Variants in BCORL1 observed in about 807,000 individuals in gnomAD.
BCORL1 encodes BCL-6 corepressor-like protein 1.
BCORL1 carries 7 observed loss-of-function variants against 87.6 expected under a neutral mutation model. That is an observed-to-expected ratio of 0.08 (90% CI 0.05 to 0.15). The LOEUF (loss-of-function observed/expected upper bound fraction) is 0.15, where lower values mean the gene tolerates loss of function less well. Ranked by LOEUF, BCORL1 falls within the 10% of genes least tolerant of loss-of-function variation. The pLI, the probability that BCORL1 is intolerant of heterozygous loss-of-function variation, is 1.00. For missense variants in BCORL1, 1,215 were observed against 1,499.7 expected, an observed-to-expected ratio of 0.81 and a Z score of 3.13; for synonymous variants, 591 against 634.4, an observed-to-expected ratio of 0.93 and a Z score of 1.03.
At chrX:130,053,727 A>G (rs1460566003) in intron 13 of BCORL1, among the ~76,000 whole-genome samples, 1 of 111,930 alleles carries the variant, frequency 8.9e-6, no homozygotes, top group East Asian at 2.8e-4. Flanking sequence ...CTGTTCTTCA[A>G]GAAGTTGGGG....
At position 130,015,247 on chromosome X, in the gene BCORL1, C is replaced by G; in HGVS notation, c.2475C>G (p.Ser825Arg). 8.2e-7 allele frequency: 1 copy of G among 1,212,176 alleles called. No individual in the cohort carries two copies. Among genetic ancestry groups the G allele is most frequent in the Non-Finnish European group, 1.1e-6 (1 of 895,663 alleles). The change falls in exon 4 of 14, where the codon AGC becomes AGG. Residue 825 changes from serine to arginine, a missense_variant. Physicochemically the swap from Ser to Arg is moderately radical, Grantham distance 110. Around this residue, in one of 5 missense-constraint regions of BCORL1, gnomAD observed 861 missense variants for 1,010.0 expected, o/e 0.85. Coordinates refer to ENST00000540052, the MANE Select transcript of BCORL1 (RefSeq NM_001379451.1). ...PRCSVNGKPT[S>R]TQVLPVGWSP... ...GTTCAGTCAATGGGAAACCTACCAG[C>G]ACCCAGGTCCTGCCTGTTGGCTGGT... is the stretch of plus-strand genomic sequence containing the variant.
At position 130,056,157 on chromosome X, in the gene BCORL1, C is replaced by T; in HGVS notation, c.*21C>T. 8 of 1,135,710 alleles carry T rather than the reference C, an allele frequency of 7.0e-6. No homozygotes were observed. Among genetic ancestry groups the T allele is most frequent in the Non-Finnish European group, 9.3e-6 (8 of 856,622 alleles). The allele number at this position is 1,135,710 out of a possible 1,213,427, so 93.6% of individuals were successfully genotyped here. On this transcript the variant is annotated 3_prime_UTR_variant, in exon 14 of 14. Coordinates refer to ENST00000540052, the MANE Select transcript of BCORL1 (RefSeq NM_001379451.1). Reference sequence around the variant, plus strand: ...GTTGACCGGGAAAACAGCCCCTCCTCTTCTTTCTCCTTCCGAGTTCGCCCT... The same window carrying T: ...GTTGACCGGGAAAACAGCCCCTCCTTTTCTTTCTCCTTCCGAGTTCGCCCT...
chrX:129,990,005 C>T (rs1377685227), intron 1 of BCORL1, among the ~76,000 whole-genome samples: 4 of 109,186 alleles, frequency 3.7e-5, no homozygotes, highest in South Asian at 3.9e-4. Flanking sequence ...AGGCTGGTCT[C>T]GAACTCCTGA....
intron 1 of BCORL1, among the ~76,000 whole-genome samples, chrX:129,990,450 C>G (rs1041370442): frequency 3.6e-5 from 4 of 110,562 alleles, no homozygotes; most frequent in Middle Eastern, 4.7e-3. Context: ...CCAGGATGGT[C>G]TCAATCTCCT....
At chrX:130,050,658 T>C in intron 11 of BCORL1, 59 bp from the exon 12 acceptor site, 1 of 1,056,717 alleles carries the variant, frequency 9.5e-7, no homozygotes, top group Non-Finnish European at 1.3e-6. Flanking sequence ...TGGACTTCAC[T>C]TGGACATTCC....
chrX:129,988,157 G>A (rs1482609468), intron 1 of BCORL1, among the ~76,000 whole-genome samples: 2 of 111,858 alleles, frequency 1.8e-5, no homozygotes, highest in Non-Finnish European at 3.8e-5. Context: ...TGCTAGTACA[G>A]TATTTGATAT....
chrX:129,986,937 CT>C (rs1926679134), intron 1 of BCORL1, among the ~76,000 whole-genome samples: 2 of 111,710 alleles, frequency 1.8e-5, no homozygotes, highest in South Asian at 7.4e-4. Flanking sequence ...GGAAGGGCTT[CT>C]TTGAGAGAAA....
chrX:130,031,839 G>A (rs1436042102), intron 8 of BCORL1, among the ~76,000 whole-genome samples: 2 of 111,891 alleles, frequency 1.8e-5, no homozygotes, highest in Non-Finnish European at 3.8e-5. Flanking sequence ...CCTGAGTTAA[G>A]TGCTGTAAGG....
At chrX:130,045,678 C>T (rs1238164345) in intron 11 of BCORL1, among the ~76,000 whole-genome samples, 5 of 111,110 alleles carry the variant, frequency 4.5e-5, no homozygotes, top group African/African-American at 9.8e-5. Flanking sequence ...AGTGCAGTGG[C>T]GCAGTCTGGG....
intron 10 of BCORL1, among the ~76,000 whole-genome samples, chrX:130,038,693 G>C (rs1224689917): frequency 1.8e-5 from 2 of 111,279 alleles, no homozygotes; most frequent in African/African-American, 6.5e-5. Flanking sequence ...TGTTGGCCAG[G>C]CTGGTCTCAA....
chrX:129,985,846 GTTTCT>G (rs1168905883), intron 1 of BCORL1, among the ~76,000 whole-genome samples: 2 of 110,197 alleles, frequency 1.8e-5, no homozygotes, highest in East Asian at 2.8e-4. Flanking sequence ...GGGTGGTTAG[GTTTCT>G]TTTCTTTTCT....
At position 130,034,423 on chromosome X, in the gene BCORL1, A is replaced by AC. The variant is rs781090469; in HGVS notation, c.4306-30dup. The AC allele has an allele frequency of 1.0e-5, 10 of 961,680 alleles. No homozygotes were observed. In the South Asian group the frequency reaches 1.8e-4, roughly 17 times the overall value. The allele number at this position is 961,680 out of a possible 1,213,427, so 79.3% of individuals were successfully genotyped here. On this transcript the variant is annotated intron_variant, in intron 8 of 13. Transcript: ENST00000540052. ...GTGGATGGATAAGCTGCCTGGCCTG[A>AC]CCTGACCTAGGACTGCATCTCTGCT...
chrX:129,990,422 G>A (rs186935142), intron 1 of BCORL1, among the ~76,000 whole-genome samples: 1,594 of 109,723 alleles, frequency 0.015, 13 homozygotes, highest in Middle Eastern at 0.023. Flanking sequence ...TAGTAGAGAC[G>A]GGGTTTCACT....
intron 8 of BCORL1, 62 bp from the exon 9 acceptor site, chrX:130,034,393 C>T: frequency 1.2e-6 from 1 of 858,152 alleles, no homozygotes; most frequent in Non-Finnish European, 1.6e-6. Flanking sequence ...GCAGTGATGA[C>T]CCTGGTGGAT....
At chrX:130,020,444 A>G (rs1414264609) in intron 4 of BCORL1, among the ~76,000 whole-genome samples, 1 of 111,987 alleles carries the variant, frequency 8.9e-6, no homozygotes, top group African/African-American at 3.2e-5. Context: ...GGATATTTGA[A>G]TTGCTCCTGT....
chrX:130,012,770 A>G, intron 3 of BCORL1, 102 bp downstream of exon 3: 1 of 1,001,659 alleles, frequency 1.0e-6, no homozygotes, highest in Non-Finnish European at 1.4e-6. Context: ...GCAGGAAGGG[A>G]CAGGGTCTCT....
At chrX:129,988,484 G>A (rs1489128664) in intron 1 of BCORL1, among the ~76,000 whole-genome samples, 2 of 110,558 alleles carry the variant, frequency 1.8e-5, no homozygotes, top group African/African-American at 6.6e-5. Flanking sequence ...AAGTAACTGA[G>A]TAACTGCAGG....
In BCORL1 at chrX:130,041,817, C is replaced by T. The variant is rs780244346; in HGVS notation, c.4840+2535C>T. On this transcript the variant is annotated intron_variant, in intron 11 of 13. Coordinates refer to ENST00000540052, the MANE Select transcript of BCORL1 (RefSeq NM_001379451.1). ...AATTTTTGTGTATTTTTAATAGAGA[C>T]GGGGTTTCACCATGTTAGCCAGGAT... Among the ~76,000 whole-genome samples the T allele has an allele frequency of 2.4e-3, 270 of 110,703 alleles. 1 individual carries two copies. The highest frequency in any genetic ancestry group is 8.4e-3 in the African/African-American group (256 of 30,505).
At chrX:129,988,146 A>T (rs935411954) in intron 1 of BCORL1, among the ~76,000 whole-genome samples, 5 of 111,870 alleles carry the variant, frequency 4.5e-5, no homozygotes, top group African/African-American at 1.6e-4. Flanking sequence ...GGCCACTAGG[A>T]TGCTAGTACA....
Sources: gnomAD v4.1 joint callset for allele counts (sites outside exome capture counted in the v4.1 genomes callset) on GRCh38, gnomAD v4.1.1 for gene constraint, gnomAD v4.1.1 regional missense constraint, MANE v1.5 for transcripts, NCBI Gene and HGNC (gene_info 2026-07-23, HGNC 2026-07-21) for gene names.